Variants in ADA observed in about 807,000 individuals in gnomAD.
ADA encodes the protein adenosine aminohydrolase.
ADA carries 45 observed loss-of-function variants against 49.0 expected under a neutral mutation model. That is an observed-to-expected ratio of 0.92 (90% confidence interval 0.72 to 1.18). The LOEUF (loss-of-function observed/expected upper bound fraction) is 1.18, where lower values mean the gene tolerates loss of function less well. Ranked by LOEUF, ADA falls within the 50% of genes most tolerant of loss-of-function variation. The probability of loss-of-function intolerance (pLI) is 0.00; values close to 1 mark genes in which losing one functional copy is unlikely to be tolerated. For missense variants in ADA, 445 were observed against 472.5 expected (o/e 0.94, Z 0.54); for synonymous variants, 173 against 184.2 (o/e 0.94, Z 0.49).
At chr20:44,647,120 CAG>C (rs2065599428) in intron 1 of ADA, among the ~76,000 whole-genome samples, 1 of 152,072 alleles carries the variant, frequency 6.6e-6, no homozygotes, top group Non-Finnish European at 1.5e-5. Flanking sequence ...CCCTCTGCAT[CAG>C]AGAGGGACAG....
At chr20:44,643,244 A>G (rs150388276) in intron 1 of ADA, among the ~76,000 whole-genome samples, 2 of 152,264 alleles carry the variant, frequency 1.3e-5, no homozygotes, top group African/African-American at 4.8e-5. Flanking sequence ...TTTCATCCTT[A>G]CAACCAGCAA....
chr20:44,639,772 G>C (rs2145345435), intron 1 of ADA, among the ~76,000 whole-genome samples: 1 of 152,242 alleles, frequency 6.6e-6, no homozygotes, highest in Non-Finnish European at 1.5e-5. Context: ...GGATACAAGA[G>C]TCTAGAGCTG....
At chr20:44,645,044 G>A (rs1332460110) in intron 1 of ADA, among the ~76,000 whole-genome samples, 1 of 152,154 alleles carries the variant, frequency 6.6e-6, no homozygotes, top group Non-Finnish European at 1.5e-5. Context: ...CTAGCAGCAC[G>A]CTCCCTGCAT....
intron 2 of ADA, among the ~76,000 whole-genome samples, chr20:44,633,256 C>T (rs1427724624): frequency 6.6e-6 from 1 of 152,128 alleles, no homozygotes; most frequent in Non-Finnish European, 1.5e-5. Context: ...TGTAGGGGTG[C>T]ACAGAGGAAG....
chr20:44,640,389 T>C (rs1027164903), intron 1 of ADA, among the ~76,000 whole-genome samples: 1 of 151,000 alleles, frequency 6.6e-6, no homozygotes, highest in Non-Finnish European at 1.5e-5. Context: ...CACTCCAGCC[T>C]GGGCAACAGA....
chr20:44,629,271 G>A (rs2065411477), intron 2 of ADA, 102 bp from the exon 3 acceptor site: 1 of 1,539,810 alleles, frequency 6.5e-7, no homozygotes, highest in South Asian at 1.2e-5. Flanking sequence ...CTCCTTGCAG[G>A]ACCACAGCAG....
chr20:44,621,966 C>A (rs1021712955), intron 9 of ADA, among the ~76,000 whole-genome samples: 7 of 152,216 alleles, frequency 4.6e-5, no homozygotes, highest in African/African-American at 1.7e-4. Flanking sequence ...GAAGCCCCTC[C>A]CCTTCTCATA....
Position 44,639,236 on chromosome 20 carries a change from G to C in ADA, c.34-2948C>G, listed in dbSNP as rs574283405. Among the ~76,000 whole-genome samples, 4 of 152,262 alleles carry C rather than the reference G, an allele frequency of 2.6e-5. No homozygotes were observed. The South Asian group carries it at 8.3e-4, about 32-fold the overall frequency. ...TGCATAGAGGAAAAACAGGTGGATAGAAAGAGATGCCAAGGCTCACACTTC... is the reference window on the plus strand; with the variant it reads ...TGCATAGAGGAAAAACAGGTGGATACAAAGAGATGCCAAGGCTCACACTTC... On this transcript the variant is annotated intron_variant, in intron 1 of 11. Coordinates refer to ENST00000372874, the MANE Select transcript of ADA (RefSeq NM_000022.4).
rs1427855345 is a variant in ADA, at chr20:44,626,484, C to A, written c.334G>T (p.Val112Leu). ...YSPHLLANSK[V>L]EPIPWNQAEG... ...GCCTGGTTCCAGGGGATTGGCTCCACTTTGGAGTTGGCCAGCAGGTGCGGA... is the reference window on the plus strand; with the variant it reads ...GCCTGGTTCCAGGGGATTGGCTCCAATTTGGAGTTGGCCAGCAGGTGCGGA... Residue 112 changes from valine (V) to leucine (L), a missense_variant, in exon 4 of 12, where the codon GTG becomes TTG. Val to Leu is a conservative substitution (Grantham distance 32). Transcript: ENST00000372874. 6.2e-7 allele frequency: 1 copy of A among 1,614,012 alleles called. No homozygotes were observed. Among genetic ancestry groups the A allele is most frequent in the Non-Finnish European group, 8.5e-7 (1 of 1,180,046 alleles).
chr20:44,636,270 G>C lies in ADA; in HGVS notation c.52C>G (p.Leu18Val). 1 of 1,609,198 alleles carries C rather than the reference G, an allele frequency of 6.2e-7. No individual in the cohort carries two copies. The highest frequency in any genetic ancestry group is 8.5e-7 in the Non-Finnish European group (1 of 1,177,424). ...DKPKVELHVH[L>V]DGSIKPETIL... is the part of the protein sequence containing the mutation. ...GTTTCAGGCTTGATGGATCCGTCTA[G>C]GTGGACATGCAGTTCCACCTGCAAG... is the stretch of plus-strand genomic sequence containing the variant. The change falls in exon 2 of 12, where the codon CTA becomes GTA. Residue 18 changes from leucine to valine, a missense_variant. Physicochemically the swap from Leu to Val is conservative, Grantham distance 32 (BLOSUM62 1). Transcript: ENST00000372874.
At chr20:44,639,397 T>G (rs1159107272) in intron 1 of ADA, among the ~76,000 whole-genome samples, 1 of 152,040 alleles carries the variant, frequency 6.6e-6, no homozygotes, top group Non-Finnish European at 1.5e-5. Context: ...TTAGTTATGT[T>G]ACACTAGAGA....
chr20:44,632,184 C>A (rs1407745754), intron 2 of ADA, among the ~76,000 whole-genome samples: 1 of 151,982 alleles, frequency 6.6e-6, no homozygotes, highest in Non-Finnish European at 1.5e-5. Flanking sequence ...GGGGTGGGGG[C>A]AGTTCTGGGC....
intron 2 of ADA, among the ~76,000 whole-genome samples, chr20:44,630,957 G>A (rs926274433): frequency 3.3e-5 from 5 of 152,070 alleles, no homozygotes; most frequent in South Asian, 2.1e-4. Context: ...AGGCTACTGC[G>A]GGCCAAGATT....
chr20:44,635,732 C>T (rs528408693), intron 2 of ADA, among the ~76,000 whole-genome samples: 48 of 152,088 alleles, frequency 3.2e-4, no homozygotes, highest in African/African-American at 1.1e-3. Context: ...ACCCCATCTC[C>T]GCTAAAAATA....
intron 1 of ADA, among the ~76,000 whole-genome samples, chr20:44,646,823 A>AT (rs1016659975): frequency 2.0e-5 from 3 of 151,736 alleles, no homozygotes; most frequent in African/African-American, 7.3e-5. Flanking sequence ...ATAAAGTGGA[A>AT]TTGGCAAATG....
intron 1 of ADA, among the ~76,000 whole-genome samples, chr20:44,645,205 A>G (rs534430028): frequency 6.6e-6 from 1 of 152,006 alleles, no homozygotes; most frequent in Non-Finnish European, 1.5e-5. Context: ...ACAGAGGTGG[A>G]AGGGAGGACC....
intron 6 of ADA, among the ~76,000 whole-genome samples, chr20:44,623,303 C>T (rs900388982): frequency 2.6e-5 from 4 of 152,228 alleles, no homozygotes; most frequent in Admixed American, 2.6e-4. Context: ...TATACATTAT[C>T]TAATATTCAC....
intron 3 of ADA, among the ~76,000 whole-genome samples, chr20:44,628,748 C>G (rs1043165557): frequency 6.6e-6 from 1 of 151,282 alleles, no homozygotes; most frequent in East Asian, 1.9e-4. Flanking sequence ...AAGCCCTGAA[C>G]TAGGAGATAG....
At chr20:44,625,484 G>T in intron 5 of ADA, 85 bp downstream of exon 5, 1 of 1,222,164 alleles carries the variant, frequency 8.2e-7, no homozygotes, top group Non-Finnish European at 1.2e-6. Flanking sequence ...GCACAGGGGA[G>T]ATCAGGTACA....
Sources: gnomAD v4.1 joint callset for allele counts (sites outside exome capture counted in the v4.1 genomes callset) on GRCh38, gnomAD v4.1.1 for gene constraint, MANE v1.5 for transcripts, NCBI Gene and HGNC (gene_info 2026-07-23, HGNC 2026-07-21) for gene names.